The following KDM3B variants were observed in gnomAD, a reference collection of about 807,000 sequenced individuals.
KDM3B encodes lysine demethylase 3B, also known as lysine-specific demethylase 3B.
KDM3B carries 10 observed loss-of-function variants against 170.0 expected under a neutral mutation model. That is an observed-to-expected ratio of 0.06 (90% CI 0.04 to 0.10). The LOEUF (loss-of-function observed/expected upper bound fraction) is 0.10, where lower values mean the gene tolerates loss of function less well. Among genes scored for constraint, KDM3B ranks in the 10% least tolerant of loss-of-function variants. The probability of loss-of-function intolerance (pLI) is 1.00; values close to 1 mark genes in which losing one functional copy is unlikely to be tolerated. For missense variants in KDM3B, 1,394 were observed against 2,195.2 expected, an observed-to-expected ratio of 0.64 and a Z score of 7.29; for synonymous variants, 831 against 834.8, an observed-to-expected ratio of 1.00 and a Z score of 0.08.
intron 23 of KDM3B, among the ~76,000 whole-genome samples, chr5:138,434,246 G>C (rs892017174): frequency 6.6e-6 from 1 of 151,924 alleles, no homozygotes; most frequent in Non-Finnish European, 1.5e-5. Flanking sequence ...AACAGACTCT[G>C]TCTCTTTATT....
chr5:138,425,679 C>T, intron 17 of KDM3B, 97 bp downstream of exon 17: 4 of 1,052,226 alleles, frequency 3.8e-6, no homozygotes, highest in Non-Finnish European at 5.4e-6. Flanking sequence ...TATTCTGGGG[C>T]ATAATGGGAC....
chr5:138,424,418 CTT>C (rs1463274318), intron 16 of KDM3B, 77 bp downstream of exon 16: 2 of 1,486,160 alleles, frequency 1.3e-6, no homozygotes, highest in African/African-American at 1.4e-5. Context: ...CCAGGTCTCT[CTT>C]TTTGCCAGGG....
intron 9 of KDM3B, 61 bp downstream of exon 9, chr5:138,393,433 C>A: frequency 1.5e-6 from 2 of 1,332,338 alleles, no homozygotes; most frequent in South Asian, 1.2e-5. Flanking sequence ...AACTTCCACT[C>A]TTTCTCTGAG....
intron 1 of KDM3B, among the ~76,000 whole-genome samples, chr5:138,358,100 C>A (rs924157671): frequency 6.6e-6 from 1 of 150,588 alleles, no homozygotes. Context: ...TGGGTTCAAG[C>A]GATTCTCCTG....
rs568270408 is a variant in KDM3B at position 138,409,063 on chromosome 5, A to G, written c.3200-6069A>G. On this transcript the variant is annotated intron_variant, in intron 11 of 23. Transcript: ENST00000314358. ...GAAATAATGTTTGAAAAACACAACT[A>G]TGTATAAGTAGAATATCATATAATA... Among the ~76,000 whole-genome samples, 3 of 152,220 alleles carry G rather than the reference A, an allele frequency of 2.0e-5. No individual in the cohort carries two copies. In the South Asian group the frequency reaches 6.2e-4, roughly 31 times the overall value.
At chr5:138,427,926 A>T (rs2240334) in intron 19 of KDM3B, 41 bp from the exon 20 acceptor site, 45 of 1,593,758 alleles carry the variant, frequency 2.8e-5, no homozygotes, top group Non-Finnish European at 3.5e-5. Flanking sequence ...ATTCTTCCAA[A>T]TATTGGCCCT....
chr5:138,412,819 G>A (rs1338428286), intron 11 of KDM3B, among the ~76,000 whole-genome samples: 2 of 152,094 alleles, frequency 1.3e-5, no homozygotes, highest in African/African-American at 2.4e-5. Flanking sequence ...TTTTGGTTTG[G>A]TTTTGTAGAA....
intron 10 of KDM3B, among the ~76,000 whole-genome samples, chr5:138,398,887 CTTTTTT>C (rs537795731): frequency 8.3e-6 from 1 of 120,176 alleles, no homozygotes; most frequent in Non-Finnish European, 1.7e-5. Context: ...TCCTAAATTT[CTTTTTT>C]TTTTTTTTTT....
chr5:138,375,460 C>G (rs944008984), intron 3 of KDM3B, among the ~76,000 whole-genome samples: 2 of 151,952 alleles, frequency 1.3e-5, no homozygotes, highest in Admixed American at 1.3e-4. Flanking sequence ...TCACTGCAAC[C>G]TCCGCCTCCC....
chr5:138,395,697 A>C (rs887875229), intron 9 of KDM3B, among the ~76,000 whole-genome samples: 4 of 151,894 alleles, frequency 2.6e-5, no homozygotes, highest in Non-Finnish European at 5.9e-5. Flanking sequence ...GCTCACTGCA[A>C]CCTCCATCTC....
rs755497633 is a variant in KDM3B at position 138,386,468 on chromosome 5, A to G, written c.1227A>G (p.Thr409=). Residue 409 remains threonine (T), a synonymous_variant, in exon 7 of 24, where the codon ACA becomes ACG. Transcript: ENST00000314358. ...GGAENKEAGK[T]LEQVGQGIVA... ...CCGAAAACAAAGAGGCAGGAAAAAC[A>G]CTGGAACAAGTTGGCCAGGGCATAG... The G allele has an allele frequency of 6.2e-7, 1 of 1,614,188 alleles. No individual in the cohort carries two copies. The highest frequency in any genetic ancestry group is 1.1e-5 in the South Asian group (1 of 91,084).
At chr5:138,359,909 A>C (rs558627925) in intron 1 of KDM3B, among the ~76,000 whole-genome samples, 1 of 152,244 alleles carries the variant, frequency 6.6e-6, no homozygotes, top group East Asian at 1.9e-4. Context: ...ATTAGAGATA[A>C]TGTAATAATT....
chr5:138,419,579 T>TG (rs1455929165), intron 14 of KDM3B, among the ~76,000 whole-genome samples: 1 of 140,814 alleles, frequency 7.1e-6, no homozygotes, highest in Non-Finnish European at 1.5e-5. Context: ...GGCATGAACC[T>TG]GGGGGGCACA....
chr5:138,433,405 G>A (rs1050975256), intron 23 of KDM3B, among the ~76,000 whole-genome samples: 3 of 149,858 alleles, frequency 2.0e-5, no homozygotes, highest in Non-Finnish European at 3.0e-5. Flanking sequence ...GAGCCACTGC[G>A]GCTGTTTTTT....
intron 6 of KDM3B, among the ~76,000 whole-genome samples, chr5:138,382,693 G>A (rs1762156275): frequency 6.6e-6 from 1 of 151,860 alleles, no homozygotes; most frequent in African/African-American, 2.4e-5. Context: ...TTTGAGGCAG[G>A]GTCTCGCTAT....
intron 20 of KDM3B, 82 bp downstream of exon 20, chr5:138,428,168 A>G (rs1580958680): frequency 7.9e-7 from 1 of 1,271,128 alleles, no homozygotes; most frequent in East Asian, 2.6e-5. Context: ...CCTTAGGGCC[A>G]GTGGCTTTTC....
In KDM3B at chr5:138,375,169, G is replaced by C; in HGVS notation, c.437G>C (p.Arg146Pro). Reference protein sequence around the residue: ...PVEYLLDRELRFLSDANGLHL... With the variant: ...PVEYLLDRELPFLSDANGLHL... Reference sequence around the variant, plus strand: ...GAATATCTTCTGGATCGAGAGCTTCGGTTCCTGTCAGATGCCAATGGGTTG... The same window carrying C: ...GAATATCTTCTGGATCGAGAGCTTCCGTTCCTGTCAGATGCCAATGGGTTG... Residue 146 changes from arginine to proline, a missense_variant, in exon 3 of 24, where the codon CGG becomes CCG. Arg to Pro is a moderately radical substitution (Grantham distance 103). Transcript: ENST00000314358. 1 of 1,613,608 alleles carries C rather than the reference G, an allele frequency of 6.2e-7. No homozygotes were observed. The highest frequency in any genetic ancestry group is 8.5e-7 in the Non-Finnish European group (1 of 1,179,666).
chr5:138,398,887 C>CTTTTTTTT (rs537795731), intron 10 of KDM3B, among the ~76,000 whole-genome samples: 1 of 120,178 alleles, frequency 8.3e-6, no homozygotes, highest in African/African-American at 3.0e-5. Flanking sequence ...TCCTAAATTT[C>CTTTTTTTT]TTTTTTTTTT....
chr5:138,433,791 G>T (rs1763600424), intron 23 of KDM3B, among the ~76,000 whole-genome samples: 1 of 151,642 alleles, frequency 6.6e-6, no homozygotes, highest in African/African-American at 2.4e-5. Context: ...CACGCTGGAG[G>T]GCAGTGGCGT....
Sources: gnomAD v4.1 joint callset for allele counts (sites outside exome capture counted in the v4.1 genomes callset) on GRCh38, gnomAD v4.1.1 for gene constraint, MANE v1.5 for transcripts, NCBI Gene and HGNC (gene_info 2026-07-23, HGNC 2026-07-21) for gene names.